The following KCNH5 variants were observed in gnomAD, a reference collection of about 807,000 sequenced individuals.
The protein encoded by KCNH5 is voltage-gated delayed rectifier potassium channel KCNH5.
In KCNH5, 46 loss-of-function variants were observed where a neutral mutation model predicts 96.1. The observed-to-expected ratio is 0.48, with a 90% confidence interval of 0.38 to 0.61. KCNH5 has a LOEUF of 0.61. KCNH5 is among the 20% of genes least tolerant of loss of function. KCNH5 has a pLI of 0.00. For synonymous variants in KCNH5, 439 were observed against 449.8 expected (o/e 0.98, Z 0.30); for missense variants, 907 against 1,225.8 (o/e 0.74, Z 3.88).
intron 8 of KCNH5, among the ~76,000 whole-genome samples, chr14:62,819,624 T>A (rs1887073474): frequency 6.6e-6 from 1 of 152,188 alleles, no homozygotes; most frequent in African/African-American, 2.4e-5. Flanking sequence ...ATGTGAATTA[T>A]ATCTCAATTT....
chr14:62,727,862 C>T (rs1266479188), intron 10 of KCNH5, among the ~76,000 whole-genome samples: 1 of 149,866 alleles, frequency 6.7e-6, no homozygotes, highest in Non-Finnish European at 1.5e-5. Flanking sequence ...GCAAAAAGTA[C>T]TAAACAGACT....
At chr14:63,021,944 C>T (rs1196325857) in intron 1 of KCNH5, among the ~76,000 whole-genome samples, 4 of 152,060 alleles carry the variant, frequency 2.6e-5, no homozygotes, top group African/African-American at 9.7e-5. Flanking sequence ...CATTAGAGTG[C>T]CTAAGTCCTC....
chr14:62,914,838 A>G (rs968632297), intron 7 of KCNH5, among the ~76,000 whole-genome samples: 3 of 152,240 alleles, frequency 2.0e-5, no homozygotes, highest in Non-Finnish European at 2.9e-5. Context: ...CACTCATGAG[A>G]TACCCACATG....
chr14:62,769,818 T>C (rs1318280975), intron 10 of KCNH5, among the ~76,000 whole-genome samples: 2 of 152,228 alleles, frequency 1.3e-5, no homozygotes, highest in Non-Finnish European at 2.9e-5. Context: ...ATTCTGGCCA[T>C]TGACAATAAA....
chr14:63,031,841 T>TA (rs1398564825), intron 1 of KCNH5, among the ~76,000 whole-genome samples: 1 of 152,260 alleles, frequency 6.6e-6, no homozygotes, highest in East Asian at 1.9e-4. Context: ...TATTTATATG[T>TA]ATATAAAAAC....
chr14:62,889,558 G>A (rs1041390811), intron 7 of KCNH5, among the ~76,000 whole-genome samples: 7 of 152,140 alleles, frequency 4.6e-5, no homozygotes, highest in Non-Finnish European at 8.8e-5. Flanking sequence ...TGACAGAGCC[G>A]GCCTGGAGTT....
At chr14:62,728,530 C>G (rs1884984351) in intron 10 of KCNH5, among the ~76,000 whole-genome samples, 3 of 152,122 alleles carry the variant, frequency 2.0e-5, no homozygotes, top group Admixed American at 2.0e-4. Flanking sequence ...AGGTTTAAAG[C>G]TAAAATATAA....
chr14:62,890,572 G>A (rs980827333), intron 7 of KCNH5, among the ~76,000 whole-genome samples: 2 of 151,532 alleles, frequency 1.3e-5, no homozygotes, highest in African/African-American at 2.4e-5. Flanking sequence ...GGTGGCAGGC[G>A]CCTGTAGTCC....
At chr14:62,874,275 A>G (rs1888323298) in intron 7 of KCNH5, among the ~76,000 whole-genome samples, 1 of 152,202 alleles carries the variant, frequency 6.6e-6, no homozygotes, top group Admixed American at 6.5e-5. Flanking sequence ...AAACAAATTT[A>G]CAAGAAAAAA....
intron 1 of KCNH5, among the ~76,000 whole-genome samples, chr14:63,031,752 C>T (rs1245490818): frequency 6.6e-6 from 1 of 152,082 alleles, no homozygotes; most frequent in Non-Finnish European, 1.5e-5. Flanking sequence ...GAGATTTTAG[C>T]TCTTACCACA....
intron 7 of KCNH5, among the ~76,000 whole-genome samples, chr14:62,943,011 C>T (rs1889816872): frequency 6.6e-6 from 1 of 151,850 alleles, no homozygotes; most frequent in African/African-American, 2.4e-5. Flanking sequence ...ATCTCATAGC[C>T]CTTTGACATA....
At chr14:62,969,342 C>T (rs1890360058) in intron 6 of KCNH5, among the ~76,000 whole-genome samples, 1 of 152,172 alleles carries the variant, frequency 6.6e-6, no homozygotes, top group South Asian at 2.1e-4. Flanking sequence ...TCTATACTTT[C>T]ACCTTTGCAA....
chr14:62,841,098 A>G (rs1029155212), intron 8 of KCNH5, among the ~76,000 whole-genome samples: 4 of 152,138 alleles, frequency 2.6e-5, no homozygotes, highest in Non-Finnish European at 4.4e-5. Context: ...AGTCATTACC[A>G]TTAAAAAAAA....
At chr14:63,031,651 T>A (rs1024298923) in intron 1 of KCNH5, among the ~76,000 whole-genome samples, 4 of 152,142 alleles carry the variant, frequency 2.6e-5, no homozygotes, top group African/African-American at 9.7e-5. Flanking sequence ...GTAGGATAAA[T>A]AAGTCTAGGG....
chr14:62,801,714 T>C (rs1163187016), intron 9 of KCNH5, among the ~76,000 whole-genome samples: 1 of 152,108 alleles, frequency 6.6e-6, no homozygotes, highest in African/African-American at 2.4e-5. Flanking sequence ...CCTATTAATA[T>C]AGAGGACAGA....
At chr14:62,921,268 T>C (rs1317866379) in intron 7 of KCNH5, among the ~76,000 whole-genome samples, 3 of 151,958 alleles carry the variant, frequency 2.0e-5, no homozygotes, top group Non-Finnish European at 4.4e-5. Context: ...TACCCACTGA[T>C]CCAAAGTAAA....
chr14:62,715,345 T>A (rs1398297932), intron 10 of KCNH5, among the ~76,000 whole-genome samples: 1 of 152,222 alleles, frequency 6.6e-6, no homozygotes, highest in African/African-American at 2.4e-5. Flanking sequence ...TATAGCTATA[T>A]GTGATCAAGC....
chr14:62,924,934 A>C (rs1357746384), intron 7 of KCNH5, among the ~76,000 whole-genome samples: 1 of 152,018 alleles, frequency 6.6e-6, no homozygotes, highest in African/African-American at 2.4e-5. Flanking sequence ...GAAATTTGCT[A>C]AGAAAGTAGA....
intron 5 of KCNH5, among the ~76,000 whole-genome samples, chr14:62,986,789 C>T (rs1890717066): frequency 1.3e-5 from 2 of 152,104 alleles, no homozygotes; most frequent in Admixed American, 1.3e-4. Flanking sequence ...GTGTTTGCTG[C>T]ATATATGCAT....
Sources: allele counts gnomAD v4.1 joint callset (sites outside exome capture counted in the v4.1 genomes callset), GRCh38; gene constraint gnomAD v4.1.1; transcripts MANE v1.5; gene names NCBI Gene and HGNC (gene_info 2026-07-23, HGNC 2026-07-21).